The following ZNF423 variants were observed in gnomAD, a reference collection of about 807,000 sequenced individuals.
ZNF423 encodes the protein Ebf-associated zinc finger protein.
A neutral mutation model predicts 95.8 loss-of-function variants in ZNF423; 12 were observed. The ratio of observed to expected loss-of-function variants is 0.13; its 90% confidence interval spans 0.08 to 0.20. The LOEUF (loss-of-function observed/expected upper bound fraction) is 0.20. Among genes scored for constraint, ZNF423 ranks in the 10% least tolerant of loss-of-function variants. The probability of loss-of-function intolerance (pLI) is 1.00; values close to 1 mark genes in which losing one functional copy is unlikely to be tolerated. For missense variants in ZNF423, 1,316 were observed against 1,737.1 expected (o/e 0.76, Z 4.31); for synonymous variants, 749 against 711.9 (o/e 1.05, Z -0.83).
At chr16:49,858,924 G>C (rs1398646680), upstream of ZNF423, among the ~76,000 whole-genome samples, 2 of 152,164 alleles carry the variant, frequency 1.3e-5, no homozygotes, top group Non-Finnish European at 1.5e-5. The surrounding 1 kb of genome is among the most constrained non-coding windows in gnomAD (Gnocchi z 4.3). Context: ...GCACACGCTG[G>C]GGGAGGGGGA....
At chr16:49,822,159 T>C (rs370724763) in intron 1 of ZNF423, among the ~76,000 whole-genome samples, 2 of 148,360 alleles carry the variant, frequency 1.3e-5, no homozygotes, top group East Asian at 3.9e-4. Flanking sequence ...TTTGCCTAAG[T>C]CACCCCCGCA....
intron 1 of ZNF423, among the ~76,000 whole-genome samples, chr16:49,800,126 C>T (rs977595164): frequency 8.5e-5 from 13 of 152,144 alleles, no homozygotes; most frequent in African/African-American, 3.1e-4. Flanking sequence ...CACTTGTAAT[C>T]CCAGCTACTT....
At chr16:49,828,232 G>A (rs540391705) in intron 1 of ZNF423, among the ~76,000 whole-genome samples, 11 of 152,294 alleles carry the variant, frequency 7.2e-5, no homozygotes, top group East Asian at 5.8e-4. Flanking sequence ...CTCAGCCATC[G>A]CTGCTTAGAA....
chr16:49,548,998 C>T (rs1969537195), intron 5 of ZNF423, among the ~76,000 whole-genome samples: 1 of 152,180 alleles, frequency 6.6e-6, no homozygotes. Context: ...ACAGGCCTAT[C>T]TTGCATTTTT....
At chr16:49,651,475 G>T (rs1009966723) in intron 3 of ZNF423, among the ~76,000 whole-genome samples, 4 of 152,146 alleles carry the variant, frequency 2.6e-5, no homozygotes, top group Non-Finnish European at 4.4e-5. Context: ...TCACCATTAG[G>T]GGGTGTCCCG....
At chr16:49,521,985 C>A (rs1968417115) in intron 7 of ZNF423, among the ~76,000 whole-genome samples, 1 of 152,226 alleles carries the variant, frequency 6.6e-6, no homozygotes, top group Non-Finnish European at 1.5e-5. Flanking sequence ...GAAGGGGGCC[C>A]CCTACAACAG....
At chr16:49,849,712 AAAC>A (rs1250047386) in intron 1 of ZNF423, among the ~76,000 whole-genome samples, 1 of 152,198 alleles carries the variant, frequency 6.6e-6, no homozygotes, top group Non-Finnish European at 1.5e-5. Flanking sequence ...AAAGAAAACG[AAAC>A]AACAACCACA....
chr16:49,737,175 GAA>G (rs111953932), intron 2 of ZNF423, among the ~76,000 whole-genome samples: 1 of 141,706 alleles, frequency 7.1e-6, no homozygotes. Context: ...TGTCAATGAG[GAA>G]AAAAAAAAAA....
At chr16:49,742,525 T>A (rs988170925) in intron 2 of ZNF423, among the ~76,000 whole-genome samples, 1 of 152,024 alleles carries the variant, frequency 6.6e-6, no homozygotes, top group Admixed American at 6.6e-5. Flanking sequence ...CCTGGAACCA[T>A]GAAAATTGTG....
intron 1 of ZNF423, among the ~76,000 whole-genome samples, chr16:49,829,548 C>T (rs2035040410): frequency 6.6e-6 from 1 of 152,220 alleles, no homozygotes; most frequent in Admixed American, 6.5e-5. Flanking sequence ...GACCAGCATC[C>T]ATGTTGCCCC....
chr16:49,636,303 T>G lies in ZNF423; in HGVS notation c.2873A>C (p.Gln958Pro), dbSNP rs777986517. Residue 958 changes from glutamine (Q) to proline (P), a missense_variant, in exon 4 of 8, where the codon CAG becomes CCG. Around this residue, in one of 6 missense-constraint regions of ZNF423, gnomAD observed 620 missense variants for 775.6 expected, o/e 0.80. Transcript: ENST00000563137. This position sits in a 1 kb window ranked among gnomAD's most constrained non-coding sequence, Gnocchi z 8.6. ...GTGCTTGGCAGGGCCCCGGTGCGTC[T>G]GCAGGTGCTCCCGTAGCCCGTTCTC... ...FSENGLREHL[Q>P]THRGPAKHYM... The G allele has an allele frequency of 3.7e-6, 6 of 1,612,770 alleles. No individual in the cohort carries two copies. The highest frequency in any genetic ancestry group is 5.1e-6 in the Non-Finnish European group (6 of 1,180,034).
chr16:49,746,810 C>G (rs959178257), intron 2 of ZNF423, among the ~76,000 whole-genome samples: 3 of 152,158 alleles, frequency 2.0e-5, no homozygotes, highest in Non-Finnish European at 2.9e-5. Context: ...GGGCAAGAAG[C>G]AAAAGAACTA....
chr16:49,789,001 C>T (rs556162477), intron 2 of ZNF423, among the ~76,000 whole-genome samples: 4 of 152,324 alleles, frequency 2.6e-5, no homozygotes, highest in South Asian at 2.1e-4. Context: ...ACGTCACCCC[C>T]GACACCCCAC....
rs1008515668 is a variant in ZNF423, at chr16:49,504,629, A to G, written c.3850-13325T>C. On this transcript the variant is annotated intron_variant, in intron 7 of 7. Coordinates refer to ENST00000563137, the MANE Select transcript of ZNF423 (RefSeq NM_001379286.1). Reference sequence around the variant, plus strand: ...GGCAGGATCTTAGAAGGTAAGAGAAAGGGTTGCTGCACCAATAGCTAAGAC... The same window carrying G: ...GGCAGGATCTTAGAAGGTAAGAGAAGGGGTTGCTGCACCAATAGCTAAGAC... Among the ~76,000 whole-genome samples the G allele has an allele frequency of 4.6e-5, 7 of 152,152 alleles. No homozygotes were observed. In the South Asian group the frequency reaches 1.2e-3, roughly 27 times the overall value.
chr16:49,630,633 C>T (rs1303929471), intron 4 of ZNF423, among the ~76,000 whole-genome samples: 1 of 152,112 alleles, frequency 6.6e-6, no homozygotes, highest in African/African-American at 2.4e-5. Flanking sequence ...CTAGAGGCTG[C>T]AGCCATGGCT....
chr16:49,584,306 G>A (rs1371592322), intron 5 of ZNF423, among the ~76,000 whole-genome samples: 2 of 152,156 alleles, frequency 1.3e-5, no homozygotes, highest in Non-Finnish European at 2.9e-5. Context: ...TTTAGGAGCT[G>A]GGCCTCTATT....
chr16:49,731,633 C>G (rs1209210756), intron 2 of ZNF423, among the ~76,000 whole-genome samples: 1 of 150,886 alleles, frequency 6.6e-6, no homozygotes, highest in Non-Finnish European at 1.5e-5. Flanking sequence ...GGCAATATAG[C>G]AAGACTCTAT....
At chr16:49,810,539 T>C (rs949277839) in intron 1 of ZNF423, among the ~76,000 whole-genome samples, 2 of 152,152 alleles carry the variant, frequency 1.3e-5, no homozygotes, top group Non-Finnish European at 2.9e-5. Context: ...TCCCCTATGC[T>C]GTGAGCTCCC....
At chr16:49,571,137 G>C (rs979498371) in intron 5 of ZNF423, among the ~76,000 whole-genome samples, 6 of 152,172 alleles carry the variant, frequency 3.9e-5, no homozygotes, top group Non-Finnish European at 8.8e-5. Flanking sequence ...ACAAGAATTT[G>C]CTAGGCATCT....
Sources: gnomAD v4.1 joint callset for allele counts (sites outside exome capture counted in the v4.1 genomes callset) on GRCh38, gnomAD v4.1.1 for gene constraint, gnomAD v4.1.1 regional missense constraint, Gnocchi (gnomAD v3.1) non-coding constraint, MANE v1.5 for transcripts, NCBI Gene and HGNC (gene_info 2026-07-23, HGNC 2026-07-21) for gene names.